DENND1A: variants seen among roughly 807,000 people sequenced by gnomAD.
DENND1A encodes the protein DENN domain-containing protein 1A.
Under a neutral mutation model 113.7 loss-of-function variants are expected in DENND1A, and 51 were observed. The observed-to-expected ratio is 0.45, with a 90% CI of 0.36 to 0.57. The LOEUF is 0.57. Ranked by LOEUF, DENND1A falls within the 20% of genes least tolerant of loss-of-function variation. The probability of loss-of-function intolerance (pLI) is 0.00; values close to 1 mark genes in which losing one functional copy is unlikely to be tolerated. For synonymous variants in DENND1A, 565 were observed against 570.8 expected (o/e 0.99, Z 0.14); for missense variants, 1,258 against 1,395.9 (o/e 0.90, Z 1.57).
intron 13 of DENND1A, among the ~76,000 whole-genome samples, chr9:123,498,177 G>C (rs2052120018): frequency 6.6e-6 from 1 of 152,166 alleles, no homozygotes; most frequent in Non-Finnish European, 1.5e-5. Flanking sequence ...AACATAGGAG[G>C]GTGGGAAAAA....
chr9:123,909,158 T>A (rs1440830250), intron 1 of DENND1A, among the ~76,000 whole-genome samples: 1 of 148,120 alleles, frequency 6.8e-6, no homozygotes, highest in East Asian at 2.0e-4. Context: ...TGAGATCACA[T>A]GGACACAGGA....
chr9:123,489,882 A>G (rs2051219590), intron 13 of DENND1A, among the ~76,000 whole-genome samples: 1 of 152,190 alleles, frequency 6.6e-6, no homozygotes, highest in African/African-American at 2.4e-5. Flanking sequence ...GGTGCTTTGT[A>G]CGCTCCCTGC....
At chr9:123,415,606 A>G (rs530363732) in intron 19 of DENND1A, among the ~76,000 whole-genome samples, 2 of 152,324 alleles carry the variant, frequency 1.3e-5, no homozygotes, top group East Asian at 3.9e-4. Context: ...ACACTAGAAC[A>G]TCTGATTGTG....
chr9:123,918,057 T>G (rs1453575385), intron 1 of DENND1A, among the ~76,000 whole-genome samples: 1 of 150,074 alleles, frequency 6.7e-6, no homozygotes, highest in Non-Finnish European at 1.5e-5. Context: ...GAGCTTGCAG[T>G]GAGCCAAGAT....
At chr9:123,522,267 T>G (rs1372942802) in intron 13 of DENND1A, among the ~76,000 whole-genome samples, 1 of 152,214 alleles carries the variant, frequency 6.6e-6, no homozygotes, top group Non-Finnish European at 1.5e-5. Context: ...CACCCAGAGC[T>G]GCTTCTTGTG....
At position 123,450,727 on chromosome 9, in the gene DENND1A, C is replaced by A. The variant is rs1380199968; in HGVS notation, c.1322G>T (p.Gly441Val). The change falls in exon 18 of 24, where the codon GGA becomes GTA. Residue 441 changes from glycine (G) to valine (V), a missense_variant. Physicochemically the swap from Gly to Val is moderately radical, Grantham distance 109 (BLOSUM62 -3). Coordinates refer to ENST00000394215, the MANE Select transcript of DENND1A (RefSeq NM_001352964.2). Reference sequence around the variant, plus strand: ...CAAGCGGTTTTTCACCTCTTTTATTCCCATTTTTGCATGATCTTTTGCCTG... The same window carrying A: ...CAAGCGGTTTTTCACCTCTTTTATTACCATTTTTGCATGATCTTTTGCCTG... ...YKFAKDHAKM[G>V]IKEVKNRLKQ... is the part of the protein sequence containing the mutation. The A allele has an allele frequency of 6.2e-7, 1 of 1,610,898 alleles. No homozygotes were observed. Among genetic ancestry groups the A allele is most frequent in the Non-Finnish European group, 8.5e-7 (1 of 1,179,184 alleles).
At chr9:123,616,700 T>A (rs2060666071) in intron 10 of DENND1A, among the ~76,000 whole-genome samples, 1 of 152,098 alleles carries the variant, frequency 6.6e-6, no homozygotes, top group African/African-American at 2.4e-5. Context: ...CTGTGAGGTG[T>A]TTTGTGGTGT....
chr9:123,488,784 G>A (rs901049140), intron 13 of DENND1A, among the ~76,000 whole-genome samples: 2 of 152,186 alleles, frequency 1.3e-5, no homozygotes, highest in Admixed American at 1.3e-4. Context: ...TCCACAAACC[G>A]AGATAAAGTG....
chr9:123,440,567 G>A, intron 18 of DENND1A, 76 bp from the exon 19 acceptor site: 1 of 1,462,068 alleles, frequency 6.8e-7, no homozygotes, highest in Admixed American at 2.8e-5. Flanking sequence ...ACAACGAAGA[G>A]GCCTGCCAGG....
At chr9:123,734,349 ACTTT>A (rs1365336455) in intron 5 of DENND1A, among the ~76,000 whole-genome samples, 2 of 152,132 alleles carry the variant, frequency 1.3e-5, no homozygotes, top group African/African-American at 4.8e-5. Context: ...TAATAATTTA[ACTTT>A]CTTTATCAGA....
intron 3 of DENND1A, among the ~76,000 whole-genome samples, chr9:123,788,823 G>A (rs1354679960): frequency 2.0e-5 from 3 of 152,024 alleles, no homozygotes; most frequent in Non-Finnish European, 4.4e-5. Flanking sequence ...AACTTACACT[G>A]TAATTTAGTA....
At chr9:123,665,039 G>A (rs1447006438) in intron 8 of DENND1A, among the ~76,000 whole-genome samples, 1 of 152,060 alleles carries the variant, frequency 6.6e-6, no homozygotes, top group African/African-American at 2.4e-5. Context: ...TCTGGCTCAT[G>A]GTAGCTTCCT....
chr9:123,666,135 AC>A (rs1213912515), intron 8 of DENND1A, among the ~76,000 whole-genome samples: 1 of 152,234 alleles, frequency 6.6e-6, no homozygotes, highest in African/African-American at 2.4e-5. Flanking sequence ...CATTGACTGT[AC>A]AAAATATGAA....
intron 5 of DENND1A, among the ~76,000 whole-genome samples, chr9:123,690,897 C>T (rs1009316518): frequency 6.6e-6 from 1 of 152,226 alleles, no homozygotes; most frequent in Non-Finnish European, 1.5e-5. Flanking sequence ...CTCTAACAAA[C>T]TGGTCACACG....
intron 2 of DENND1A, among the ~76,000 whole-genome samples, chr9:123,876,050 A>G (rs544026434): frequency 6.6e-6 from 1 of 152,362 alleles, no homozygotes; most frequent in African/African-American, 2.4e-5. Context: ...AAATAACAGG[A>G]CAGATATCAT....
intron 21 of DENND1A, among the ~76,000 whole-genome samples, chr9:123,394,157 ATTT>A (rs1218407357): frequency 1.3e-5 from 2 of 151,498 alleles, no homozygotes; most frequent in African/African-American, 2.4e-5. Context: ...ATGCCTGGCT[ATTT>A]TTTTTATTTT....
Position 123,423,452 on chromosome 9 carries a change from C to T in DENND1A, c.1489-11623G>A, listed in dbSNP as rs181783476. ...GAACACATGGCTGTGGTAGGTTTCA[C>T]ACCTTGGCAGAGAAGCTGTGTGTCA... On this transcript the variant is annotated intron_variant, in intron 19 of 23. Coordinates refer to ENST00000394215, the MANE Select transcript of DENND1A (RefSeq NM_001352964.2). Among the ~76,000 whole-genome samples, 586 of 152,278 alleles carry T rather than the reference C, an allele frequency of 3.8e-3. 6 individuals carry two copies. The highest frequency in any genetic ancestry group is 0.014 in the South Asian group (66 of 4,824).
At chr9:123,558,880 C>T (rs1404870007) in intron 12 of DENND1A, among the ~76,000 whole-genome samples, 1 of 152,130 alleles carries the variant, frequency 6.6e-6, no homozygotes, top group Non-Finnish European at 1.5e-5. Context: ...GTACCGAGGA[C>T]TATGTTAGGT....
chr9:123,648,041 A>T (rs574210216), intron 9 of DENND1A, among the ~76,000 whole-genome samples: 1 of 152,286 alleles, frequency 6.6e-6, no homozygotes, highest in South Asian at 2.1e-4. Context: ...TGGCTTTGTC[A>T]GCCACGAAAT....
Sources: gnomAD v4.1 joint callset for allele counts (sites outside exome capture counted in the v4.1 genomes callset) on GRCh38, gnomAD v4.1.1 for gene constraint, MANE v1.5 for transcripts, NCBI Gene and HGNC (gene_info 2026-07-23, HGNC 2026-07-21) for gene names.